Variants in FAF1 observed in about 807,000 individuals in gnomAD.
FAF1 encodes the protein Fas associated factor 1.
Under a neutral mutation model 92.5 loss-of-function variants are expected in FAF1, and 25 were observed. That is an observed-to-expected ratio of 0.27 (90% confidence interval 0.20 to 0.38). The LOEUF is 0.38. Among genes scored for constraint, FAF1 ranks in the 10% least tolerant of loss-of-function variants. The probability of loss-of-function intolerance (pLI) is 1.00; values close to 1 mark genes in which losing one functional copy is unlikely to be tolerated. For synonymous variants in FAF1, 234 were observed against 273.2 expected, an observed-to-expected ratio of 0.86 and a Z score of 1.42; for missense variants, 636 against 793.3, an observed-to-expected ratio of 0.80 and a Z score of 2.38.
intron 2 of FAF1, among the ~76,000 whole-genome samples, chr1:50,843,971 G>A (rs950176991): frequency 4.6e-5 from 7 of 152,186 alleles, no homozygotes; most frequent in African/African-American, 1.4e-4. Context: ...TTTCCATAAT[G>A]GCTGTACTAA....
At chr1:50,660,296 T>C (rs1426668346) in intron 7 of FAF1, among the ~76,000 whole-genome samples, 2 of 152,222 alleles carry the variant, frequency 1.3e-5, no homozygotes, top group Admixed American at 6.5e-5. Flanking sequence ...TATTTTTATA[T>C]TGAAAAATAT....
At chr1:50,581,715 AGAG>A (rs898241136) in intron 12 of FAF1, among the ~76,000 whole-genome samples, 2 of 152,174 alleles carry the variant, frequency 1.3e-5, no homozygotes, top group African/African-American at 4.8e-5. Flanking sequence ...GGTAAGTTTC[AGAG>A]GAGGAGGAGG....
At position 50,491,570 on chromosome 1, in the gene FAF1, T is replaced by C; in HGVS notation, c.1575+151A>G. 5.4e-6 allele frequency: 3 copies of C among 551,030 alleles called. No individual in the cohort carries two copies. The South Asian group carries it at 9.6e-5, about 18-fold the overall frequency. The allele number at this position is 551,030 out of a possible 1,614,324, so 34.1% of individuals were successfully genotyped here. A position where few individuals can be genotyped will look rare whatever the true frequency, so the allele number is the denominator to read the frequency against. ...TTTGTCAAAATGAACCATGCTTTAA[T>C]AACCATGGATAGGATTATATTCTTT... On this transcript the variant is annotated intron_variant, in intron 16 of 18. Coordinates refer to ENST00000396153, the MANE Select transcript of FAF1 (RefSeq NM_007051.3).
intron 18 of FAF1, among the ~76,000 whole-genome samples, chr1:50,454,860 TA>T (rs1225974751): frequency 6.6e-6 from 1 of 152,204 alleles, no homozygotes; most frequent in African/African-American, 2.4e-5. Context: ...TGAGGGCACA[TA>T]AGAGATTTTA....
intron 4 of FAF1, among the ~76,000 whole-genome samples, chr1:50,779,357 G>A (rs1465118108): frequency 6.6e-6 from 1 of 152,126 alleles, no homozygotes; most frequent in Admixed American, 6.5e-5. Context: ...CTTTCCAGAT[G>A]GTTTTCAATG....
intron 6 of FAF1, among the ~76,000 whole-genome samples, chr1:50,729,650 G>A (rs141828142): frequency 0.055 from 8,323 of 149,970 alleles, 305 homozygotes; most frequent in African/African-American, 0.1. Context: ...CAGGTGATCC[G>A]CCTGCGTTGG....
chr1:50,865,364 T>C (rs1322169731), intron 1 of FAF1, among the ~76,000 whole-genome samples: 1 of 150,730 alleles, frequency 6.6e-6, no homozygotes, highest in Non-Finnish European at 1.5e-5. Context: ...CTATAAATCA[T>C]GCTGCTATAA....
At chr1:50,676,236 G>A (rs954009074) in intron 7 of FAF1, among the ~76,000 whole-genome samples, 7 of 151,640 alleles carry the variant, frequency 4.6e-5, no homozygotes, top group East Asian at 2.0e-4. Context: ...GTGAAACCCC[G>A]TCTCTGCTAA....
chr1:50,899,218 T>C (rs148955613), intron 1 of FAF1, among the ~76,000 whole-genome samples: 18 of 152,328 alleles, frequency 1.2e-4, no homozygotes, highest in African/African-American at 4.1e-4. Flanking sequence ...ATGTTTGATT[T>C]AGGACTTTTC....
chr1:50,496,524 C>G (rs1360317077), intron 15 of FAF1, among the ~76,000 whole-genome samples: 1 of 152,096 alleles, frequency 6.6e-6, no homozygotes, highest in Non-Finnish European at 1.5e-5. Flanking sequence ...GTAGGTTATC[C>G]ATCTTGATAA....
Position 50,539,747 on chromosome 1 carries a change from C to G in FAF1, c.1269-19G>C. ...GAGAAATCTAAAAGGAGACAAAATA[C>G]AAAGTAAGTTTTGCTTTGTAGTTTA... On this transcript the variant is annotated intron_variant, in intron 13 of 18. Coordinates refer to ENST00000396153, the MANE Select transcript of FAF1 (RefSeq NM_007051.3). 2 of 1,595,336 alleles carry G rather than the reference C, an allele frequency of 1.3e-6. No homozygotes were observed. The highest frequency in any genetic ancestry group is 3.4e-5 in the Admixed American group (2 of 58,512).
chr1:50,739,297 T>C (rs559955904), intron 5 of FAF1, among the ~76,000 whole-genome samples: 4 of 152,026 alleles, frequency 2.6e-5, no homozygotes, highest in Non-Finnish European at 2.9e-5. Context: ...TATGTACATG[T>C]GTACACGTAC....
intron 17 of FAF1, among the ~76,000 whole-genome samples, chr1:50,483,597 G>C (rs1163337998): frequency 2.6e-5 from 4 of 152,124 alleles, no homozygotes; most frequent in African/African-American, 9.7e-5. Context: ...GAAGTGACAT[G>C]ATGTGACAAA....
At chr1:50,853,275 A>C (rs1172375155) in intron 2 of FAF1, among the ~76,000 whole-genome samples, 1 of 152,164 alleles carries the variant, frequency 6.6e-6, no homozygotes, top group Non-Finnish European at 1.5e-5. Flanking sequence ...AAATTGGAGG[A>C]AATTTCTCAA....
intron 17 of FAF1, among the ~76,000 whole-genome samples, chr1:50,485,722 G>C (rs892161764): frequency 7.6e-6 from 1 of 131,138 alleles, no homozygotes; most frequent in African/African-American, 3.0e-5. Flanking sequence ...AACAACCTGA[G>C]ACTGGGTAAT....
chr1:50,672,659 T>C (rs1484631573), intron 7 of FAF1, among the ~76,000 whole-genome samples: 1 of 152,088 alleles, frequency 6.6e-6, no homozygotes. Flanking sequence ...CTTAAGAAAG[T>C]AGAAAATATA....
chr1:50,875,818 C>G (rs1296899291), intron 1 of FAF1, among the ~76,000 whole-genome samples: 1 of 152,156 alleles, frequency 6.6e-6, no homozygotes, highest in East Asian at 1.9e-4. Context: ...ACTTACCCCC[C>G]TAACTGAAAT....
chr1:50,561,840 CGGAT>C (rs1357926907), intron 13 of FAF1, among the ~76,000 whole-genome samples: 6 of 124,954 alleles, frequency 4.8e-5, no homozygotes, highest in Admixed American at 1.6e-4. Context: ...GACGGATGGA[CGGAT>C]GGACGGAAGG....
chr1:50,794,567 G>C (rs1451707859), intron 3 of FAF1, among the ~76,000 whole-genome samples: 1 of 152,206 alleles, frequency 6.6e-6, no homozygotes, highest in Non-Finnish European at 1.5e-5. Flanking sequence ...AGAAAGTCTA[G>C]AGAAGAGATA....
Sources: gnomAD v4.1 joint callset for allele counts (sites outside exome capture counted in the v4.1 genomes callset) on GRCh38, gnomAD v4.1.1 for gene constraint, MANE v1.5 for transcripts, NCBI Gene and HGNC (gene_info 2026-07-23, HGNC 2026-07-21) for gene names.